The following RBM20 variants were observed in gnomAD, a reference collection of about 807,000 sequenced individuals.
The protein encoded by RBM20 is RNA-binding protein 20.
A neutral mutation model predicts 110.1 loss-of-function variants in RBM20; 51 were observed. That is an observed-to-expected ratio of 0.46 (90% CI 0.37 to 0.59). The LOEUF is 0.59. Ranked by LOEUF, RBM20 falls within the 20% of genes least tolerant of loss-of-function variation. The pLI is 0.00. For synonymous variants in RBM20, 589 were observed against 618.2 expected (o/e 0.95, Z 0.70); for missense variants, 1,512 against 1,574.9 (o/e 0.96, Z 0.68).
intron 1 of RBM20, among the ~76,000 whole-genome samples, chr10:110,685,286 G>T (rs983589807): frequency 6.6e-6 from 1 of 152,180 alleles, no homozygotes. Context: ...ACTCCTGGAG[G>T]CCTCTGAGAT....
intron 1 of RBM20, among the ~76,000 whole-genome samples, chr10:110,712,333 A>G (rs909391024): frequency 6.6e-6 from 1 of 152,258 alleles, no homozygotes; most frequent in African/African-American, 2.4e-5. Flanking sequence ...TAGTGGTGGT[A>G]TCAGTAGTAA....
chr10:110,765,119 A>G (rs1336702472), intron 1 of RBM20, among the ~76,000 whole-genome samples: 1 of 152,214 alleles, frequency 6.6e-6, no homozygotes, highest in East Asian at 1.9e-4. Context: ...TACGCTGGTT[A>G]CTAAACTCTT....
intron 9 of RBM20, among the ~76,000 whole-genome samples, chr10:110,819,226 G>A (rs1269021350): frequency 2.6e-5 from 4 of 152,246 alleles, no homozygotes; most frequent in Non-Finnish European, 4.4e-5. Context: ...TAATGTGGGG[G>A]TTGGCAAAGT....
chr10:110,737,224 C>G (rs1036827072), intron 1 of RBM20, among the ~76,000 whole-genome samples: 1 of 129,262 alleles, frequency 7.7e-6, no homozygotes, highest in Admixed American at 7.6e-5. Context: ...TCAAAAACAA[C>G]AGAGCTTGTT....
In RBM20 at chr10:110,781,808, A is replaced by C; in HGVS notation, c.1199A>C (p.Asn400Thr). The change falls in exon 2 of 14, where the codon AAC becomes ACC. Residue 400 changes from asparagine to threonine, a missense_variant. Asn to Thr is a moderately conservative substitution (Grantham distance 65). Coordinates refer to ENST00000369519, the MANE Select transcript of RBM20 (RefSeq NM_001134363.3). ...SVRPLQAHEL[N>T]DFHGVAPLHL... ...CGGCCCCTGCAGGCTCATGAGCTGA[A>C]CGACTTTCACGGTGTGGCCCCCCTC... 7 of 1,551,768 alleles carry C rather than the reference A, an allele frequency of 4.5e-6. No homozygotes were observed. Among genetic ancestry groups the C allele is most frequent in the Non-Finnish European group, 4.4e-6 (5 of 1,147,014 alleles).
chr10:110,834,437 A>G (rs930625615), intron 13 of RBM20, among the ~76,000 whole-genome samples: 5 of 152,210 alleles, frequency 3.3e-5, no homozygotes, highest in Non-Finnish European at 5.9e-5. Context: ...CCCAGAAGGG[A>G]GGGTGAGGAC....
At chr10:110,724,653 G>A (rs2134938471) in intron 1 of RBM20, among the ~76,000 whole-genome samples, 1 of 152,284 alleles carries the variant, frequency 6.6e-6, no homozygotes, top group African/African-American at 2.4e-5. Flanking sequence ...CGTTGCCCTG[G>A]TGGAGGTCTG....
rs58890233 is a variant in RBM20, at chr10:110,741,433, C to T, written c.192-39368C>T. Among the ~76,000 whole-genome samples, 400 of 152,202 alleles carry T rather than the reference C, an allele frequency of 2.6e-3. 3 individuals are homozygous for T. Among genetic ancestry groups the T allele is most frequent in the African/African-American group, 9.0e-3 (374 of 41,506 alleles). On this transcript the variant is annotated intron_variant, in intron 1 of 13. Transcript: ENST00000369519. ...TCTGGCACCAACAACTTCATGTGTC[C>T]GAAGTTGAACTCATGCAAACTCAGC...
chr10:110,731,558 T>TAC (rs1225320680), intron 1 of RBM20, among the ~76,000 whole-genome samples: 39 of 152,360 alleles, frequency 2.6e-4, no homozygotes, highest in African/African-American at 9.1e-4. Flanking sequence ...CTGCCTTAGT[T>TAC]ACAATTCTGT....
At chr10:110,727,771 A>G (rs1256608585) in intron 1 of RBM20, among the ~76,000 whole-genome samples, 2 of 152,110 alleles carry the variant, frequency 1.3e-5, no homozygotes, top group African/African-American at 2.4e-5. Context: ...TGCATGCCTT[A>G]GGTATTTGTC....
In RBM20 at chr10:110,739,752, T is replaced by G. The variant is rs1211710023; in HGVS notation, c.192-41049T>G. Among the ~76,000 whole-genome samples the G allele has an allele frequency of 2.6e-5, 4 of 152,324 alleles. No individual in the cohort carries two copies. The highest frequency in any genetic ancestry group is 7.2e-5 in the African/African-American group (3 of 41,568). On this transcript the variant is annotated intron_variant, in intron 1 of 13. Coordinates refer to ENST00000369519, the MANE Select transcript of RBM20 (RefSeq NM_001134363.3). The surrounding 1 kb of genome is among the most constrained non-coding windows in gnomAD (Gnocchi z 4.1). The stretch of plus-strand genomic sequence containing the variant: ...TATTAATAGTTCCCACCTGCAGGAC[T>G]GAACTGTGGAAATGCACTGAGATCC...
rs1212213775 is a variant in RBM20, at chr10:110,837,368, T to C, written c.*1390T>C. ...GGGAAATGAGGCTCTGCCACAGCCA[T>C]AGAGAGGCCCTCGGGCAGTTAAGAA... On this transcript the variant is annotated 3_prime_UTR_variant, in exon 14 of 14. Transcript: ENST00000369519. 2 of 152,142 alleles carry C rather than the reference T, an allele frequency of 1.3e-5. No homozygotes were observed. Among genetic ancestry groups the C allele is most frequent in the Non-Finnish European group, 2.9e-5 (2 of 68,050 alleles). The allele number at this position is 152,142 out of a possible 1,614,324, so 9.4% of individuals were successfully genotyped here. A position where few individuals can be genotyped will look rare whatever the true frequency, so the allele number is the denominator to read the frequency against.
rs544808443 is a variant in RBM20, at chr10:110,757,901, T to C, written c.192-22900T>C. Among the ~76,000 whole-genome samples, 5 of 152,014 alleles carry C rather than the reference T, an allele frequency of 3.3e-5. No homozygotes were observed. The South Asian group carries it at 1.0e-3, about 32-fold the overall frequency. The stretch of plus-strand genomic sequence containing the variant: ...CTTTTGTCCTCTAACTCCAGAGTCA[T>C]GGGATAGACCCTACTGTGAGTTGTT... On this transcript the variant is annotated intron_variant, in intron 1 of 13. Coordinates refer to ENST00000369519, the MANE Select transcript of RBM20 (RefSeq NM_001134363.3).
At chr10:110,676,377 A>T (rs55876748) in intron 1 of RBM20, among the ~76,000 whole-genome samples, 18,209 of 152,266 alleles carry the variant, frequency 0.12, 1,475 homozygotes, top group Non-Finnish European at 0.18. Context: ...TTGCCTATAA[A>T]GTTAAACAAT....
Position 110,836,973 on chromosome 10 carries a change from G to T in RBM20, c.*995G>T, listed in dbSNP as rs7898801. 1 of 152,246 alleles carries T rather than the reference G, an allele frequency of 6.6e-6. No individual in the cohort carries two copies. Among genetic ancestry groups the T allele is most frequent in the African/African-American group, 2.4e-5 (1 of 41,446 alleles). The allele number at this position is 152,246 out of a possible 1,614,324, so 9.4% of individuals were successfully genotyped here. The stretch of plus-strand genomic sequence containing the variant: ...CAGAGTTGTCTTGGGGGTTAAATGA[G>T]CTTATTTAAGTCAAGGAAACATCAT... On this transcript the variant is annotated 3_prime_UTR_variant, in exon 14 of 14. Transcript: ENST00000369519.
intron 1 of RBM20, among the ~76,000 whole-genome samples, chr10:110,662,799 G>A (rs983342666): frequency 3.9e-5 from 6 of 152,146 alleles, no homozygotes; most frequent in South Asian, 2.1e-4. Context: ...GTAAAGGATC[G>A]CCCTCCTTCC....
At position 110,812,763 on chromosome 10, in the gene RBM20, G is replaced by A; in HGVS notation, c.2366G>A (p.Arg789Lys). 1.9e-6 allele frequency: 3 copies of A among 1,551,756 alleles called. No homozygotes were observed. The highest frequency in any genetic ancestry group is 1.7e-6 in the Non-Finnish European group (2 of 1,147,004). ...PGRSRRKDEARLRESRHPHPD... is the reference protein window; with the variant it reads ...PGRSRRKDEAKLRESRHPHPD... ...AGGTCCAGGAGGAAAGACGAGGCCA[G>A]GCTGCGGGAAAGCAGACACCCCCAT... Residue 789 changes from arginine (R) to lysine (K), a missense_variant, in exon 9 of 14, where the codon AGG (arginine) becomes AAG (lysine). This residue lies in a region of RBM20 where 1,149 missense variants were observed against 1,169.4 expected (regional missense o/e 0.98). Transcript: ENST00000369519.
At chr10:110,699,111 G>A (rs548080080) in intron 1 of RBM20, among the ~76,000 whole-genome samples, 33 of 152,082 alleles carry the variant, frequency 2.2e-4, no homozygotes, top group Non-Finnish European at 3.8e-4. Flanking sequence ...TCGTTCACAC[G>A]TCTGCGCCAT....
At chr10:110,756,119 A>G (rs1885790) in intron 1 of RBM20, among the ~76,000 whole-genome samples, 123,821 of 152,200 alleles carry the variant, frequency 0.81, 50,731 homozygotes, top group African/African-American at 0.86. Context: ...TGTGAGTCCC[A>G]TCTTTGGGCT....
Sources: gnomAD v4.1 joint callset for allele counts (sites outside exome capture counted in the v4.1 genomes callset) on GRCh38, gnomAD v4.1.1 for gene constraint, gnomAD v4.1.1 regional missense constraint, Gnocchi (gnomAD v3.1) non-coding constraint, MANE v1.5 for transcripts, NCBI Gene and HGNC (gene_info 2026-07-23, HGNC 2026-07-21) for gene names.